FSCN1: variants seen among roughly 807,000 people sequenced by gnomAD.
FSCN1 encodes fascin.
A neutral mutation model predicts 39.7 loss-of-function variants in FSCN1; 10 were observed. The ratio of observed to expected loss-of-function variants is 0.25; its 90% CI spans 0.16 to 0.43. The LOEUF is 0.43. Among genes scored for constraint, FSCN1 ranks in the 20% least tolerant of loss-of-function variants. FSCN1 has a pLI of 1.00. For missense variants in FSCN1, 525 were observed against 723.8 expected (o/e 0.73, Z 3.15); for synonymous variants, 322 against 320.0 (o/e 1.01, Z -0.07).
At position 5,599,218 on chromosome 7, in the gene FSCN1, A is replaced by AGGGCAGAGGGTGGGCTACC. The variant is rs1218852793; in HGVS notation, c.833-4036_833-4018dup. 6.6e-5 allele frequency among the ~76,000 whole-genome samples: 10 copies of AGGGCAGAGGGTGGGCTACC among 151,808 alleles called. No individual in the cohort carries two copies. Among genetic ancestry groups the AGGGCAGAGGGTGGGCTACC allele is most frequent in the African/African-American group, 2.4e-4 (10 of 41,278 alleles). ...ACCCAGTGCGGTGGATGCTCGTCGG[A>AGGGCAGAGGGTGGGCTACC]GGGCAGAGGGTGGGCTACCGGCTTA... On this transcript the variant is annotated intron_variant, in intron 1 of 4. Coordinates refer to ENST00000382361, the MANE Select transcript of FSCN1 (RefSeq NM_003088.4). The surrounding 1 kb of genome is among the most constrained non-coding windows in gnomAD (Gnocchi z 5.6).
chr7:5,606,071 C>A lies in FSCN1; in HGVS notation c.*597C>A, dbSNP rs1181242325. 1 of 152,334 alleles carries A rather than the reference C, an allele frequency of 6.6e-6. No individual in the cohort carries two copies. Among genetic ancestry groups the A allele is most frequent in the East Asian group, 1.9e-4 (1 of 5,180 alleles). 9.4% of individuals were successfully genotyped at this position (152,334 alleles called of 1,614,324 possible). On this transcript the variant is annotated 3_prime_UTR_variant, in exon 5 of 5. Coordinates refer to ENST00000382361, the MANE Select transcript of FSCN1 (RefSeq NM_003088.4). This position sits in a 1 kb window ranked among gnomAD's most constrained non-coding sequence, Gnocchi z 5.1. Reference sequence around the variant, plus strand: ...CACGTGGCAGAGGCTCAGCCTGGCTCCCTTCCCTGGAGCGGCAGGGCGTGA... The same window carrying A: ...CACGTGGCAGAGGCTCAGCCTGGCTACCTTCCCTGGAGCGGCAGGGCGTGA...
chr7:5,600,936 G>A (rs905607969), intron 1 of FSCN1, among the ~76,000 whole-genome samples: 3 of 132,548 alleles, frequency 2.3e-5, no homozygotes, highest in Non-Finnish European at 3.3e-5. Context: ...TTACAGGCAT[G>A]AGCCACCTTG....
Position 5,603,919 on chromosome 7 carries a change from G to A in FSCN1, c.1168G>A (p.Gly390Arg), listed in dbSNP as rs770014153. Reference sequence around the variant, plus strand: ...CAACCGCCCCATCATCGTGTTCCGCGGGGAGCATGGCTTCATCGGCTGCCG... The same window carrying A: ...CAACCGCCCCATCATCGTGTTCCGCAGGGAGCATGGCTTCATCGGCTGCCG... ...LINRPIIVFR[G>R]EHGFIGCRKV... is the part of the protein sequence containing the mutation. The change falls in exon 4 of 5, where the codon GGG becomes AGG. Residue 390 changes from glycine to arginine, a missense_variant. Gly to Arg is a moderately radical substitution (Grantham distance 125, BLOSUM62 -2). Around this residue, in one of 3 missense-constraint regions of FSCN1, gnomAD observed 275 missense variants for 351.9 expected, o/e 0.78. Transcript: ENST00000382361. The surrounding 1 kb of genome is among the most constrained non-coding windows in gnomAD (Gnocchi z 8.5). The A allele has an allele frequency of 1.9e-6, 3 of 1,613,866 alleles. No individual in the cohort carries two copies. The highest frequency in any genetic ancestry group is 2.7e-5 in the African/African-American group (2 of 74,926).
chr7:5,606,636 TAACTC>T lies in FSCN1; in HGVS notation c.*1164_*1168del, dbSNP rs1425381166. ...TCAAACTGGAAATAGCGAAATAAAA[TAACTC>T]AGTCTGCAGCCCCAGGCCGGCCTGT... is the stretch of plus-strand genomic sequence containing the variant. On this transcript the variant is annotated 3_prime_UTR_variant, in exon 5 of 5. Transcript: ENST00000382361. The surrounding 1 kb of genome is among the most constrained non-coding windows in gnomAD (Gnocchi z 5.1). 2 of 141,636 alleles carry T rather than the reference TAACTC, an allele frequency of 1.4e-5. No individual in the cohort carries two copies. Among genetic ancestry groups the T allele is most frequent in the Middle Eastern group, 3.6e-3 (1 of 274 alleles). The allele number at this position is 141,636 out of a possible 1,614,324, so 8.8% of individuals were successfully genotyped here. A position where few individuals can be genotyped will look rare whatever the true frequency, so the allele number is the denominator to read the frequency against.
In FSCN1 at chr7:5,603,209, C is replaced by T; in HGVS notation, c.833-48C>T. ...AGCTCAGGGCTATGGTCTGCCAGAA[C>T]TAGGGGGCGTGGGGCCCCAGTACCA... On this transcript the variant is annotated intron_variant, in intron 1 of 4. Coordinates refer to ENST00000382361, the MANE Select transcript of FSCN1 (RefSeq NM_003088.4). The surrounding 1 kb of genome is among the most constrained non-coding windows in gnomAD (Gnocchi z 8.5). 1 of 1,601,540 alleles carries T rather than the reference C, an allele frequency of 6.2e-7. No homozygotes were observed. Among genetic ancestry groups the T allele is most frequent in the Non-Finnish European group, 8.5e-7 (1 of 1,173,560 alleles).
At position 5,592,850 on chromosome 7, in the gene FSCN1, C is replaced by T. The variant is rs1281558807; in HGVS notation, c.-87C>T. 10 of 760,824 alleles carry T rather than the reference C, an allele frequency of 1.3e-5. No homozygotes were observed. Among genetic ancestry groups the T allele is most frequent in the East Asian group, 1.2e-4 (4 of 33,994 alleles). The allele number at this position is 760,824 out of a possible 1,614,324, so 47.1% of individuals were successfully genotyped here. Reference sequence around the variant, plus strand: ...TGCGGAGGGTGCGTGCGGGCCGCGGCAGCCGAACAAAGGAGCAGGGGCGCC... The same window carrying T: ...TGCGGAGGGTGCGTGCGGGCCGCGGTAGCCGAACAAAGGAGCAGGGGCGCC... On this transcript the variant is annotated 5_prime_UTR_variant, in exon 1 of 5. Coordinates refer to ENST00000382361, the MANE Select transcript of FSCN1 (RefSeq NM_003088.4). This position sits in a 1 kb window ranked among gnomAD's most constrained non-coding sequence, Gnocchi z 5.3.
chr7:5,597,403 C>A (rs779216514), intron 1 of FSCN1, among the ~76,000 whole-genome samples: 1 of 150,792 alleles, frequency 6.6e-6, no homozygotes. Context: ...CGGTGGCTCA[C>A]GCCTGTAATG....
At position 5,603,831 on chromosome 7, in the gene FSCN1, GA is replaced by G. The variant is rs1455668387; in HGVS notation, c.1112-31del. 4.4e-6 allele frequency: 7 copies of G among 1,603,918 alleles called. No individual in the cohort carries two copies. Among genetic ancestry groups the G allele is most frequent in the Non-Finnish European group, 6.0e-6 (7 of 1,173,566 alleles). On this transcript the variant is annotated intron_variant, in intron 3 of 4. Transcript: ENST00000382361. The surrounding 1 kb of genome is among the most constrained non-coding windows in gnomAD (Gnocchi z 8.5). ...CAGCCTCCACCCCACTCCCTGCCAG[GA>G]GGCTCACTGACTCCCCTCTTTCTGG...
Position 5,593,178 on chromosome 7 carries a change from A to G in FSCN1, c.242A>G (p.Glu81Gly), listed in dbSNP as rs1245180240. ...AADKDGNVTC[E>G]REVPGPDCRF... Reference sequence around the variant, plus strand: ...GACAAGGACGGCAACGTGACCTGCGAGCGCGAGGTGCCCGGTCCCGACTGC... The same window carrying G: ...GACAAGGACGGCAACGTGACCTGCGGGCGCGAGGTGCCCGGTCCCGACTGC... Residue 81 changes from glutamate (E) to glycine (G), a missense_variant, in exon 1 of 5, where the codon GAG becomes GGG. By Grantham distance (98) the Glu-to-Gly change is moderately conservative. Coordinates refer to ENST00000382361, the MANE Select transcript of FSCN1 (RefSeq NM_003088.4). The G allele has an allele frequency of 1.5e-5, 24 of 1,602,928 alleles. No individual in the cohort carries two copies. Among genetic ancestry groups the G allele is most frequent in the Non-Finnish European group, 2.0e-5 (24 of 1,175,996 alleles).
intron 4 of FSCN1, among the ~76,000 whole-genome samples, chr7:5,604,847 G>C (rs1393509195): frequency 6.6e-6 from 1 of 151,942 alleles, no homozygotes; most frequent in Non-Finnish European, 1.5e-5. Context: ...ATGTTGTCCA[G>C]GCTGGTCTTG....
rs1435507660 is a variant in FSCN1 at position 5,593,542 on chromosome 7, G to A, written c.606G>A (p.Leu202=). The change falls in exon 1 of 5, where the codon CTG becomes CTA. Residue 202 remains leucine (L), a synonymous_variant. Transcript: ENST00000382361. ...DHRFLRHDGR[L]VARPEPATGY... The stretch of plus-strand genomic sequence containing the variant: ...GCTTCCTGCGCCACGACGGGCGCCT[G>A]GTGGCGCGCCCCGAGCCGGCCACTG... 1.3e-6 allele frequency: 2 copies of A among 1,594,872 alleles called. No individual in the cohort carries two copies. Among genetic ancestry groups the A allele is most frequent in the African/African-American group, 1.3e-5 (1 of 74,302 alleles).
chr7:5,594,045 A>ACCCCCCCCCCCCCCCCCCCCCCC (rs758470979), intron 1 of FSCN1: 2 of 262,496 alleles, frequency 7.6e-6, no homozygotes, highest in Non-Finnish European at 6.6e-6. Flanking sequence ...CACCCTCCTA[A>ACCCCCCCCCCCCCCCCCCCCCCC]CCCCCCCCCC....
Position 5,605,604 on chromosome 7 carries a change from G to C in FSCN1, c.*130G>C, listed in dbSNP as rs774812920. ...CTTGCCTTTCAAACTGGAAACCCCA[G>C]AGAAAACGGTGCCCCCACCTGTCGC... On this transcript the variant is annotated 3_prime_UTR_variant, in exon 5 of 5. Coordinates refer to ENST00000382361, the MANE Select transcript of FSCN1 (RefSeq NM_003088.4). This position sits in a 1 kb window ranked among gnomAD's most constrained non-coding sequence, Gnocchi z 6.9. 1.4e-6 allele frequency: 1 copy of C among 694,526 alleles called. No individual in the cohort carries two copies. The highest frequency in any genetic ancestry group is 1.8e-5 in the African/African-American group (1 of 55,740). The allele number at this position is 694,526 out of a possible 1,614,324, so 43.0% of individuals were successfully genotyped here. A position where few individuals can be genotyped will look rare whatever the true frequency, so the allele number is the denominator to read the frequency against.
intron 1 of FSCN1, among the ~76,000 whole-genome samples, chr7:5,598,827 C>T (rs75088302): frequency 6.6e-6 from 1 of 152,222 alleles, no homozygotes; most frequent in Non-Finnish European, 1.5e-5. Flanking sequence ...GGGGCTTCAG[C>T]GGAGCCCCAG....
In FSCN1 at chr7:5,603,729, C is replaced by T. The variant is rs1785876945; in HGVS notation, c.1111+112C>T. On this transcript the variant is annotated intron_variant, in intron 3 of 4. Transcript: ENST00000382361. The surrounding 1 kb of genome is among the most constrained non-coding windows in gnomAD (Gnocchi z 8.5). ...GGCCTGCTCTGTGCTGGGCATCCCCCCGGACTGGCCCCGCACTGTCCTACC... is the reference window on the plus strand; with the variant it reads ...GGCCTGCTCTGTGCTGGGCATCCCCTCGGACTGGCCCCGCACTGTCCTACC... 2 of 1,527,136 alleles carry T rather than the reference C, an allele frequency of 1.3e-6. No homozygotes were observed. Among genetic ancestry groups the T allele is most frequent in the Admixed American group, 1.7e-5 (1 of 58,102 alleles). The allele number at this position is 1,527,136 out of a possible 1,614,324, so 94.6% of individuals were successfully genotyped here.
chr7:5,596,291 A>T (rs1785729592), intron 1 of FSCN1, among the ~76,000 whole-genome samples: 1 of 152,080 alleles, frequency 6.6e-6, no homozygotes, highest in Non-Finnish European at 1.5e-5. Context: ...GGGGGATGTG[A>T]ATCATCTCTG....
chr7:5,593,898 C>A lies in FSCN1; in HGVS notation c.832+130C>A, dbSNP rs940781918. The A allele has an allele frequency of 2.3e-5, 15 of 657,964 alleles. No homozygotes were observed. The African/African-American group carries it at 2.7e-4, about 12-fold the overall frequency. The allele number at this position is 657,964 out of a possible 1,614,324, so 40.8% of individuals were successfully genotyped here. The stretch of plus-strand genomic sequence containing the variant: ...TCCGGAGCACTGCCCATTGCGCCCC[C>A]GCTAGGCACGCGGGCTACCCCGCCT... On this transcript the variant is annotated intron_variant, in intron 1 of 4. Coordinates refer to ENST00000382361, the MANE Select transcript of FSCN1 (RefSeq NM_003088.4).
chr7:5,601,266 A>G (rs1376964906), intron 1 of FSCN1, among the ~76,000 whole-genome samples: 8 of 135,466 alleles, frequency 5.9e-5, no homozygotes, highest in Non-Finnish European at 1.1e-4. Context: ...GCAGTGGTGC[A>G]ATCTCAGCTC....
chr7:5,604,854 C>G (rs1383374300), intron 4 of FSCN1, among the ~76,000 whole-genome samples: 1 of 152,162 alleles, frequency 6.6e-6, no homozygotes, highest in Non-Finnish European at 1.5e-5. Context: ...CCAGGCTGGT[C>G]TTGAATTCGT....
Sources: gnomAD v4.1 joint callset for allele counts (sites outside exome capture counted in the v4.1 genomes callset) on GRCh38, gnomAD v4.1.1 for gene constraint, gnomAD v4.1.1 regional missense constraint, Gnocchi (gnomAD v3.1) non-coding constraint, MANE v1.5 for transcripts, NCBI Gene and HGNC (gene_info 2026-07-23, HGNC 2026-07-21) for gene names.